The following MEF2A variants were observed in gnomAD, a reference collection of about 807,000 sequenced individuals.
MEF2A encodes myocyte-specific enhancer factor 2A.
In MEF2A, 28 loss-of-function variants were observed where a neutral mutation model predicts 55.8. The ratio of observed to expected loss-of-function variants is 0.50; its 90% CI spans 0.37 to 0.69. The LOEUF is 0.69. Ranked by LOEUF, MEF2A falls within the 30% of genes least tolerant of loss-of-function variation. The pLI, the probability that MEF2A is intolerant of heterozygous loss-of-function variation, is 0.00. For missense variants in MEF2A, 528 were observed against 626.2 expected (o/e 0.84, Z 1.67); for synonymous variants, 239 against 227.1 (o/e 1.05, Z -0.47).
intron 7 of MEF2A, chr15:99,678,878 G>T (rs1597095826): frequency 6.0e-6 from 1 of 165,500 alleles, no homozygotes; most frequent in African/African-American, 2.4e-5. Flanking sequence ...CAATAGAGAG[G>T]TTTTTTTTTA....
At chr15:99,576,263 A>G (rs181476211) in intron 1 of MEF2A, among the ~76,000 whole-genome samples, 1 of 152,326 alleles carries the variant, frequency 6.6e-6, no homozygotes, top group Admixed American at 6.5e-5. Context: ...CTCCTAGGAG[A>G]AACTGTTTTC....
intron 2 of MEF2A, among the ~76,000 whole-genome samples, chr15:99,620,734 T>C (rs897496114): frequency 6.6e-6 from 1 of 152,192 alleles, no homozygotes; most frequent in African/African-American, 2.4e-5. Flanking sequence ...GTAGTTCTGT[T>C]TTAAGTTCTT....
intron 7 of MEF2A, chr15:99,678,649 C>G: frequency 1.0e-6 from 1 of 984,894 alleles, no homozygotes; most frequent in Non-Finnish European, 1.2e-6. Context: ...ATACTTCAGG[C>G]CCATGTACTG....
At chr15:99,621,106 A>G (rs563794087) in intron 2 of MEF2A, 1 of 152,296 alleles carries the variant, frequency 6.6e-6, no homozygotes, top group South Asian at 2.1e-4. Flanking sequence ...CGGCCTCCCA[A>G]AGCGCTGGGA....
At chr15:99,707,065 G>A (rs1164952114) in intron 10 of MEF2A, among the ~76,000 whole-genome samples, 2 of 152,054 alleles carry the variant, frequency 1.3e-5, no homozygotes, top group Admixed American at 6.6e-5. Context: ...AAGTTATTCC[G>A]GCTTCTCCAG....
chr15:99,703,485 A>T (rs946822354), intron 9 of MEF2A, 100 bp downstream of exon 9: 8 of 1,240,128 alleles, frequency 6.5e-6, no homozygotes, highest in Admixed American at 2.7e-5. Flanking sequence ...TGTTACACAA[A>T]TTTTTTTAAA....
At chr15:99,679,749 T>C (rs998906771) in intron 7 of MEF2A, among the ~76,000 whole-genome samples, 9 of 152,236 alleles carry the variant, frequency 5.9e-5, no homozygotes, top group Non-Finnish European at 4.4e-5. Context: ...GTACATTTTC[T>C]GTTTATGTGT....
intron 1 of MEF2A, among the ~76,000 whole-genome samples, chr15:99,582,455 A>G (rs1567158668): frequency 6.6e-6 from 1 of 151,986 alleles, no homozygotes; most frequent in African/African-American, 2.4e-5. Flanking sequence ...TTAAAATCCG[A>G]TAGTATTTTT....
chr15:99,602,864 A>G (rs1333291297), intron 2 of MEF2A, among the ~76,000 whole-genome samples: 2 of 149,856 alleles, frequency 1.3e-5, no homozygotes, highest in Non-Finnish European at 3.0e-5. Context: ...CAAAACTATG[A>G]ATTTGGTTTC....
chr15:99,599,398 A>G (rs1021747263), intron 2 of MEF2A, among the ~76,000 whole-genome samples: 2 of 152,020 alleles, frequency 1.3e-5, no homozygotes, highest in Admixed American at 6.5e-5. Flanking sequence ...AAAAATTTTT[A>G]TTTTGCCCAT....
At chr15:99,620,459 G>A (rs984748939) in intron 2 of MEF2A, among the ~76,000 whole-genome samples, 2 of 152,204 alleles carry the variant, frequency 1.3e-5, no homozygotes, top group African/African-American at 4.8e-5. Flanking sequence ...CTGTTCCTGT[G>A]TTAATTCGCT....
rs772108122 is a variant in MEF2A at position 99,710,606 on chromosome 15, T to A, written c.1010-28T>A. On this transcript the variant is annotated intron_variant, in intron 10 of 11. Coordinates refer to ENST00000557942, the MANE Select transcript of MEF2A (RefSeq NM_001319206.4). ...GATTCCGTATGGACCTTCCATCATA[T>A]GCAGAGCCCTCTTGTCTTCCTTTGT... is the stretch of plus-strand genomic sequence containing the variant. The A allele has an allele frequency of 2.5e-6, 4 of 1,597,788 alleles. No individual in the cohort carries two copies. In the Admixed American group the frequency reaches 6.7e-5, roughly 27 times the overall value.
intron 9 of MEF2A, among the ~76,000 whole-genome samples, chr15:99,704,080 G>A (rs1200348995): frequency 6.6e-6 from 1 of 152,128 alleles, no homozygotes; most frequent in Non-Finnish European, 1.5e-5. Context: ...AACCTCACAG[G>A]AGTCATCATA....
intron 9 of MEF2A, among the ~76,000 whole-genome samples, chr15:99,703,927 C>G (rs892702219): frequency 6.6e-6 from 1 of 152,202 alleles, no homozygotes; most frequent in South Asian, 2.1e-4. Context: ...GTTTACTTTT[C>G]TATCAGAAGG....
intron 2 of MEF2A, among the ~76,000 whole-genome samples, chr15:99,613,155 C>T (rs1036561520): frequency 1.6e-4 from 24 of 152,254 alleles, no homozygotes; most frequent in African/African-American, 5.1e-4. Flanking sequence ...GAACTAAAGA[C>T]GTACATCATC....
At chr15:99,675,565 A>G (rs1221757593) in intron 7 of MEF2A, 107 bp downstream of exon 7, 9 of 886,460 alleles carry the variant, frequency 1.0e-5, no homozygotes, top group Non-Finnish European at 1.6e-5. Flanking sequence ...TCTGAAGGGT[A>G]CTTTCACTAA....
intron 8 of MEF2A, among the ~76,000 whole-genome samples, chr15:99,695,769 G>C (rs2056375837): frequency 6.6e-6 from 1 of 151,858 alleles, no homozygotes; most frequent in Non-Finnish European, 1.5e-5. Context: ...TGAGGCAGGA[G>C]AATCACTTGA....
chr15:99,702,012 G>A (rs1008517440), intron 8 of MEF2A, among the ~76,000 whole-genome samples: 5 of 152,104 alleles, frequency 3.3e-5, no homozygotes, highest in African/African-American at 9.7e-5. Context: ...AAAATGTGTC[G>A]TATGAACTAT....
chr15:99,580,940 T>C (rs904515243), intron 1 of MEF2A, among the ~76,000 whole-genome samples: 3 of 152,162 alleles, frequency 2.0e-5, no homozygotes, highest in African/African-American at 7.2e-5. Context: ...ATGTTATTCC[T>C]TGACTCTACA....
Sources: gnomAD v4.1 joint callset for allele counts (sites outside exome capture counted in the v4.1 genomes callset) on GRCh38, gnomAD v4.1.1 for gene constraint, MANE v1.5 for transcripts, NCBI Gene and HGNC (gene_info 2026-07-23, HGNC 2026-07-21) for gene names.